AFF1: variants seen among roughly 807,000 people sequenced by gnomAD.
AFF1 encodes AF4/FMR2 family member 1.
In AFF1, 48 loss-of-function variants were observed where a neutral mutation model predicts 121.7. The ratio of observed to expected loss-of-function variants is 0.39; its 90% CI spans 0.31 to 0.50. The LOEUF is 0.50. Among genes scored for constraint, AFF1 ranks in the 20% least tolerant of loss-of-function variants. The pLI is 0.76. For synonymous variants in AFF1, 613 were observed against 563.0 expected, an observed-to-expected ratio of 1.09 and a Z score of -1.26; for missense variants, 1,523 against 1,511.7, an observed-to-expected ratio of 1.01 and a Z score of -0.12.
chr4:86,951,957 TTG>T (rs1653484996), intron 2 of AFF1, among the ~76,000 whole-genome samples: 1 of 151,144 alleles, frequency 6.6e-6, no homozygotes, highest in Admixed American at 6.6e-5. Context: ...AGCTAGACAA[TTG>T]TTTCATCATT....
At chr4:86,938,849 T>A in intron 1 of AFF1, among the ~76,000 whole-genome samples, 1 of 152,230 alleles carries the variant, frequency 6.6e-6, no homozygotes, top group East Asian at 1.9e-4. Context: ...TTGTATGCCT[T>A]AGGACAGAAC....
chr4:86,949,537 A>ATTTT (rs754229542), intron 2 of AFF1: 23 of 248,372 alleles, frequency 9.3e-5, no homozygotes, highest in African/African-American at 2.8e-4. Context: ...TATTATTATT[A>ATTTT]TTTTTTTTTT....
chr4:86,974,565 T>C (rs972446198), intron 2 of AFF1, among the ~76,000 whole-genome samples: 6 of 152,336 alleles, frequency 3.9e-5, no homozygotes, highest in African/African-American at 1.4e-4. Flanking sequence ...CTGGTTGCTA[T>C]GAAGCTGCTG....
At chr4:87,058,784 A>G (rs1271212460) in intron 4 of AFF1, among the ~76,000 whole-genome samples, 1 of 151,952 alleles carries the variant, frequency 6.6e-6, no homozygotes, top group Non-Finnish European at 1.5e-5. Flanking sequence ...GTAGGTAAAC[A>G]CTGTTCCTGC....
chr4:86,974,973 A>G (rs1578877683), intron 2 of AFF1, among the ~76,000 whole-genome samples: 1 of 152,122 alleles, frequency 6.6e-6, no homozygotes, highest in South Asian at 2.1e-4. Context: ...TGCTATAAAG[A>G]TTTTTGTAAA....
At chr4:86,976,973 G>T (rs1339181131) in intron 2 of AFF1, among the ~76,000 whole-genome samples, 2 of 152,208 alleles carry the variant, frequency 1.3e-5, no homozygotes, top group Non-Finnish European at 2.9e-5. Context: ...ACAATGTCTG[G>T]CACACAGCAA....
chr4:87,035,030 A>G (rs571016945), intron 2 of AFF1, among the ~76,000 whole-genome samples: 2 of 152,354 alleles, frequency 1.3e-5, no homozygotes, highest in South Asian at 4.1e-4. Context: ...GCACACATAT[A>G]TAAAGTCTAT....
intron 4 of AFF1, among the ~76,000 whole-genome samples, chr4:87,068,257 G>GTCC (rs1721585457): frequency 1.7e-5 from 2 of 120,132 alleles, no homozygotes; most frequent in Non-Finnish European, 3.5e-5. Flanking sequence ...CATGAAAATT[G>GTCC]CCCCCCCCCC....
At chr4:87,039,029 G>T (rs1391523714) in intron 2 of AFF1, among the ~76,000 whole-genome samples, 3 of 152,132 alleles carry the variant, frequency 2.0e-5, no homozygotes, top group Admixed American at 6.6e-5. Context: ...CAGCAATCCC[G>T]CATGACTAAC....
intron 4 of AFF1, among the ~76,000 whole-genome samples, chr4:87,076,170 G>A (rs1309715339): frequency 4.6e-5 from 7 of 152,190 alleles, no homozygotes; most frequent in Admixed American, 2.6e-4. Context: ...CCCAATAGGA[G>A]TAGAATTCCT....
chr4:87,060,122 T>C (rs1720585956), intron 4 of AFF1, among the ~76,000 whole-genome samples: 1 of 152,214 alleles, frequency 6.6e-6, no homozygotes, highest in African/African-American at 2.4e-5. Flanking sequence ...TTCACCATTT[T>C]CTACCTAAGT....
intron 4 of AFF1, chr4:87,049,820 T>C (rs961867162): frequency 4.5e-6 from 2 of 446,606 alleles, no homozygotes; most frequent in African/African-American, 4.0e-5. Context: ...CGGTGACCCC[T>C]TTGAGGGCAA....
chr4:87,123,132 C>A (rs1408052201), intron 12 of AFF1, among the ~76,000 whole-genome samples: 1 of 152,100 alleles, frequency 6.6e-6, no homozygotes, highest in Admixed American at 6.5e-5. Flanking sequence ...GACCTCAAGT[C>A]ATCCATCCAC....
At position 87,115,131 on chromosome 4, in the gene AFF1, A is replaced by T. The variant is rs762117632; in HGVS notation, c.2298A>T (p.Gln766His). 1 of 1,614,028 alleles carries T rather than the reference A, an allele frequency of 6.2e-7. No homozygotes were observed. The highest frequency in any genetic ancestry group is 8.5e-7 in the Non-Finnish European group (1 of 1,179,994). ...CGCTCAGGGACACTCCTCCCCCACA[A>T]AGCTTGATGGTGAAGATCACCCTAG... ...LSPLRDTPPP[Q>H]SLMVKITLDL... The change falls in exon 12 of 21, where the codon CAA becomes CAT. Residue 766 changes from glutamine to histidine, a missense_variant. By Grantham distance (24) the Gln-to-His change is conservative (BLOSUM62 0). Around this residue, in one of 5 missense-constraint regions of AFF1, gnomAD observed 905 missense variants for 842.5 expected, o/e 1.07. Coordinates refer to ENST00000395146, the MANE Select transcript of AFF1 (RefSeq NM_001166693.3).
At chr4:87,130,164 G>T (rs1424049493) in intron 16 of AFF1, among the ~76,000 whole-genome samples, 1 of 151,702 alleles carries the variant, frequency 6.6e-6, no homozygotes, top group Non-Finnish European at 1.5e-5. Flanking sequence ...GTAGAGATGG[G>T]ATTTTGCCGT....
At chr4:87,020,898 G>A in intron 2 of AFF1, 1 of 909,194 alleles carries the variant, frequency 1.1e-6, no homozygotes, top group Non-Finnish European at 1.3e-6. Context: ...TTGAGTATAG[G>A]TGATATTTCT....
chr4:87,035,577 TACTC>T lies in AFF1; in HGVS notation c.39-10587_39-10584del, dbSNP rs1340874591. On this transcript the variant is annotated intron_variant, in intron 2 of 20. Transcript: ENST00000395146. ...CTCCGTCCCAAGGAAAAAAAAAAAA[TACTC>T]AGGAGCTTTAGTCCTGTAGGCACCA... 7.8e-5 allele frequency among the ~76,000 whole-genome samples: 11 copies of T among 141,512 alleles called. No homozygotes were observed. The East Asian group carries it at 1.1e-3, about 14-fold the overall frequency. The allele number at this position is 141,512 out of a possible 152,430, so 92.8% of individuals were successfully genotyped here. A position where few individuals can be genotyped will look rare whatever the true frequency, so the allele number is the denominator to read the frequency against.
At chr4:87,065,116 A>C (rs560302025) in intron 4 of AFF1, among the ~76,000 whole-genome samples, 1 of 152,312 alleles carries the variant, frequency 6.6e-6, no homozygotes, top group South Asian at 2.1e-4. Context: ...CACACTGCTG[A>C]TAAAGACATA....
At position 87,125,072 on chromosome 4, in the gene AFF1, C is replaced by T; in HGVS notation, c.2502C>T (p.Ile834=). The change falls in exon 13 of 21, where the codon ATC becomes ATT. Residue 834 remains isoleucine (I), a synonymous_variant. Coordinates refer to ENST00000395146, the MANE Select transcript of AFF1 (RefSeq NM_001166693.3). ...AAAGAGACTGTGATAACAAGAAAATCAGACTGGAGAAGGAAATCAAATCAC... is the reference window on the plus strand; with the variant it reads ...AAAGAGACTGTGATAACAAGAAAATTAGACTGGAGAAGGAAATCAAATCAC... ...EAERDCDNKK[I]RLEKEIKSQS... 3.1e-6 allele frequency: 5 copies of T among 1,608,850 alleles called. No homozygotes were observed. Among genetic ancestry groups the T allele is most frequent in the East Asian group, 4.5e-5 (2 of 44,816 alleles).
Sources: gnomAD v4.1 joint callset for allele counts (sites outside exome capture counted in the v4.1 genomes callset) on GRCh38, gnomAD v4.1.1 for gene constraint, gnomAD v4.1.1 regional missense constraint, MANE v1.5 for transcripts, NCBI Gene and HGNC (gene_info 2026-07-23, HGNC 2026-07-21) for gene names.